The following DMD variants were observed in gnomAD, a reference collection of about 807,000 sequenced individuals.
DMD encodes mutant dystrophin.
Under a neutral mutation model 330.1 loss-of-function variants are expected in DMD, and 63 were observed. That is an observed-to-expected ratio of 0.19 (90% confidence interval 0.16 to 0.24). The LOEUF is 0.24. Ranked by LOEUF, DMD falls within the 10% of genes least tolerant of loss-of-function variation. DMD has a pLI of 1.00. For missense variants in DMD, 3,344 were observed against 2,684.1 expected, an observed-to-expected ratio of 1.25 and a Z score of -5.43; for synonymous variants, 1,223 against 959.8, an observed-to-expected ratio of 1.27 and a Z score of -5.07.
chrX:32,781,150 C>G (rs1166317194), intron 7 of DMD, among the ~76,000 whole-genome samples: 1 of 104,827 alleles, frequency 9.5e-6, no homozygotes, highest in East Asian at 3.0e-4. Context: ...AAAAGGCACT[C>G]TTATGCTCTG....
intron 62 of DMD, among the ~76,000 whole-genome samples, chrX:31,268,155 G>A (rs771910357): frequency 2.7e-5 from 3 of 111,791 alleles, no homozygotes; most frequent in Non-Finnish European, 5.6e-5. Context: ...GCCTCCAAGT[G>A]CCTGCGATGA....
chrX:32,754,626 TTTTCTGAA>T (rs2071270852), intron 7 of DMD, among the ~76,000 whole-genome samples: 1 of 111,357 alleles, frequency 9.0e-6, no homozygotes, highest in Admixed American at 9.6e-5. Flanking sequence ...TCAAAACTTC[TTTTCTGAA>T]GAACAAGCTA....
chrX:32,721,354 G>A (rs1362593325), intron 7 of DMD, among the ~76,000 whole-genome samples: 1 of 109,412 alleles, frequency 9.1e-6, no homozygotes, highest in South Asian at 3.9e-4. Flanking sequence ...TTTCCTCCTT[G>A]CCTTTACTGG....
At chrX:32,682,382 ACCGACTG>A (rs1227274869) in intron 9 of DMD, among the ~76,000 whole-genome samples, 1 of 111,458 alleles carries the variant, frequency 9.0e-6, no homozygotes, top group Non-Finnish European at 1.9e-5. Context: ...GTGTCCCGTG[ACCGACTG>A]CCTTTTACAA....
chrX:31,398,573 G>A (rs1292961399), intron 60 of DMD, among the ~76,000 whole-genome samples: 1 of 112,490 alleles, frequency 8.9e-6, no homozygotes, highest in East Asian at 2.8e-4. Context: ...ACAGGCATAA[G>A]CCACTGTGCC....
chrX:32,649,559 T>TAAAAAAAAA lies in DMD; in HGVS notation c.961-4416_961-4408dup, dbSNP rs1161462889. On this transcript the variant is annotated intron_variant, in intron 9 of 78. Coordinates refer to ENST00000357033, the MANE Select transcript of DMD (RefSeq NM_004006.3). ...CAAAACAGCAAGACTCCGTCTCTTT[T>TAAAAAAAAA]AAAAAAAAAAAAAAAAAAAAAAAAG... Among the ~76,000 whole-genome samples, 54 of 54,245 alleles carry TAAAAAAAAA rather than the reference T, an allele frequency of 1.0e-3. 1 individual carries two copies. The highest frequency in any genetic ancestry group is 5.4e-3 in the African/African-American group (43 of 8,031). The allele number at this position is 54,245 out of a possible 115,157, so 47.1% of individuals were successfully genotyped here.
chrX:31,468,878 T>C (rs904063351), intron 59 of DMD, among the ~76,000 whole-genome samples: 7 of 112,101 alleles, frequency 6.2e-5, no homozygotes, highest in Non-Finnish European at 1.1e-4. Flanking sequence ...TTAGGATAGT[T>C]AGCTCTTCTT....
intron 7 of DMD, among the ~76,000 whole-genome samples, chrX:32,773,085 C>G (rs1383190208): frequency 8.9e-6 from 1 of 111,741 alleles, no homozygotes; most frequent in Non-Finnish European, 1.9e-5. Context: ...GAAGGTGGTG[C>G]TTACCCTTTC....
intron 54 of DMD, among the ~76,000 whole-genome samples, chrX:31,648,529 C>T (rs751047449): frequency 7.4e-5 from 7 of 94,411 alleles, no homozygotes; most frequent in Admixed American, 1.3e-4. Context: ...TATAAACACT[C>T]GGTATAAGAC....
chrX:31,824,207 T>G (rs2092838726), intron 49 of DMD, among the ~76,000 whole-genome samples: 1 of 111,384 alleles, frequency 9.0e-6, no homozygotes, highest in African/African-American at 3.3e-5. Flanking sequence ...GAGGCCAACA[T>G]GGGTATGTAT....
chrX:32,189,871 ATTGTT>A (rs1445201892), intron 44 of DMD, among the ~76,000 whole-genome samples: 10 of 110,704 alleles, frequency 9.0e-5, no homozygotes, highest in South Asian at 3.8e-4. Flanking sequence ...ATCATACTGT[ATTGTT>A]TTGTTACATT....
chrX:31,954,578 C>A (rs1339809976), intron 45 of DMD, among the ~76,000 whole-genome samples: 1 of 111,154 alleles, frequency 9.0e-6, no homozygotes, highest in Non-Finnish European at 1.9e-5. Context: ...GAAATCCTGT[C>A]ATTTGCAGCA....
At chrX:31,668,900 T>A (rs187592819) in intron 53 of DMD, among the ~76,000 whole-genome samples, 2 of 112,171 alleles carry the variant, frequency 1.8e-5, no homozygotes, top group African/African-American at 6.5e-5. Context: ...TTTAGTATAA[T>A]GTCCTCCAGG....
At chrX:31,934,501 G>A (rs1381943033) in intron 45 of DMD, among the ~76,000 whole-genome samples, 1 of 111,637 alleles carries the variant, frequency 9.0e-6, no homozygotes, top group Non-Finnish European at 1.9e-5. Flanking sequence ...CATAGTAAGT[G>A]TATGTACTTG....
chrX:32,228,626 C>T (rs777402923), intron 43 of DMD, among the ~76,000 whole-genome samples: 8 of 111,476 alleles, frequency 7.2e-5, no homozygotes, highest in African/African-American at 2.3e-4. Flanking sequence ...CTGACATACT[C>T]TCTGAGGATT....
intron 11 of DMD, among the ~76,000 whole-genome samples, chrX:32,630,637 CAGTTA>C (rs1406830060): frequency 9.0e-5 from 10 of 111,433 alleles, no homozygotes; most frequent in African/African-American, 3.3e-4. Flanking sequence ...TTCAGTATGT[CAGTTA>C]AATCTTTCAA....
intron 52 of DMD, among the ~76,000 whole-genome samples, chrX:31,707,732 C>G (rs2084307084): frequency 9.0e-6 from 1 of 111,681 alleles, no homozygotes; most frequent in Admixed American, 9.5e-5. Flanking sequence ...AGGCCTTTAT[C>G]TAACTGTCTG....
intron 1 of DMD, among the ~76,000 whole-genome samples, chrX:33,246,712 A>G (rs771027397): frequency 2.7e-5 from 3 of 110,463 alleles, no homozygotes; most frequent in African/African-American, 9.9e-5. Context: ...TTGAGATGGA[A>G]TCTCGCTCTG....
chrX:32,290,858 G>T (rs1338226760), intron 42 of DMD, among the ~76,000 whole-genome samples: 2 of 112,037 alleles, frequency 1.8e-5, no homozygotes, highest in African/African-American at 6.5e-5. Context: ...TGAGAAGAAG[G>T]AAGAAATGAG....
Sources: gnomAD v4.1 joint callset for allele counts (sites outside exome capture counted in the v4.1 genomes callset) on GRCh38, gnomAD v4.1.1 for gene constraint, MANE v1.5 for transcripts, NCBI Gene and HGNC (gene_info 2026-07-23, HGNC 2026-07-21) for gene names.